Variants in LYRM4 observed in about 807,000 individuals in gnomAD.
LYRM4 encodes LYR motif containing 4.
In LYRM4, 9 loss-of-function variants were observed where a neutral mutation model predicts 11.7. The ratio of observed to expected loss-of-function variants is 0.77; its 90% CI spans 0.46 to 1.34. The LOEUF (loss-of-function observed/expected upper bound fraction) is 1.34. Ranked by LOEUF, LYRM4 falls within the 40% of genes most tolerant of loss-of-function variation. The probability of loss-of-function intolerance (pLI) is 0.00; values close to 1 mark genes in which losing one functional copy is unlikely to be tolerated. For synonymous variants in LYRM4, 42 were observed against 40.4 expected (o/e 1.04, Z -0.15); for missense variants, 133 against 112.5 (o/e 1.18, Z -0.82).
At position 5,149,363 on chromosome 6, in the gene LYRM4, C is replaced by T. The variant is rs140172656; in HGVS notation, c.208-39872G>A. On this transcript the variant is annotated intron_variant, in intron 2 of 2. Transcript: ENST00000330636. ...ATCAGCTCATTAATTCCTCCAGGTC[C>T]CCAGGACACAGATATCAAGGATGGT... 1.8e-3 allele frequency among the ~76,000 whole-genome samples: 267 copies of T among 152,236 alleles called. 2 individuals are homozygous for T. The highest frequency in any genetic ancestry group is 6.2e-3 in the African/African-American group (259 of 41,542).
chr6:5,151,787 T>C lies in LYRM4; in HGVS notation c.208-42296A>G, dbSNP rs534063532. On this transcript the variant is annotated intron_variant, in intron 2 of 2. Transcript: ENST00000330636. Reference sequence around the variant, plus strand: ...AATAAAATCCACCTCACCGGATTACTGTCATAATTAAATTAAAAGTCCATA... The same window carrying C: ...AATAAAATCCACCTCACCGGATTACCGTCATAATTAAATTAAAAGTCCATA... 7.9e-5 allele frequency among the ~76,000 whole-genome samples: 12 copies of C among 152,360 alleles called. No individual in the cohort carries two copies. In the East Asian group the frequency reaches 1.9e-3, roughly 24 times the overall value.
rs183114961 is a variant in LYRM4 at position 5,145,424 on chromosome 6, T to G, written c.208-35933A>C. ...GTTCTCATTTTGCAGGAGAGGAAAC[T>G]GAGGTTCATAAAGATTAATAAAACA... On this transcript the variant is annotated intron_variant, in intron 2 of 2. Transcript: ENST00000330636. 1.8e-4 allele frequency among the ~76,000 whole-genome samples: 27 copies of G among 152,328 alleles called. No homozygotes were observed. The East Asian group carries it at 4.6e-3, about 26-fold the overall frequency.
At chr6:5,073,164 A>G in the LYRM4 span, among the ~76,000 whole-genome samples, 18 of 152,138 alleles carry the variant, frequency 1.2e-4, no homozygotes, top group African/African-American at 3.9e-4. Context: ...GGCCGATCAC[A>G]TGAGGCCAGA....
intron 1 of LYRM4, among the ~76,000 whole-genome samples, chr6:5,244,620 G>A (rs1294385597): frequency 6.6e-6 from 1 of 152,142 alleles, no homozygotes; most frequent in East Asian, 1.9e-4. Context: ...CTTACTCTGT[G>A]AGGAGAAGCA....
At chr6:5,117,309 C>CA (rs906513297) in intron 2 of LYRM4, among the ~76,000 whole-genome samples, 2 of 152,210 alleles carry the variant, frequency 1.3e-5, no homozygotes, top group Non-Finnish European at 2.9e-5. Context: ...GTAATCCCAG[C>CA]ACTTTAAGAG....
intron 2 of LYRM4, among the ~76,000 whole-genome samples, chr6:5,120,413 TCTCTCTGA>T (rs1763384443): frequency 6.6e-6 from 1 of 152,186 alleles, no homozygotes; most frequent in African/African-American, 2.4e-5. Flanking sequence ...GGGTTCGTGG[TCTCTCTGA>T]CTTCAGGAAT....
chr6:5,086,190 C>A, the LYRM4 span: 1 of 1,534,056 alleles, frequency 6.5e-7, no homozygotes, highest in Non-Finnish European at 8.7e-7. Flanking sequence ...AGGTGAAGGG[C>A]TCCGGCCGGG....
At chr6:5,089,234 T>C in the LYRM4 span, 1 of 152,206 alleles carries the variant, frequency 6.6e-6, no homozygotes, top group African/African-American at 2.4e-5. Flanking sequence ...TGTTACTAAA[T>C]ATAAAAGCTA....
chr6:5,222,906 GA>G (rs1457847087), intron 1 of LYRM4, among the ~76,000 whole-genome samples: 2 of 151,930 alleles, frequency 1.3e-5, no homozygotes, highest in Non-Finnish European at 2.9e-5. Flanking sequence ...AAATATGTAA[GA>G]AAAAAATTAA....
chr6:5,188,926 T>C (rs1464709469), intron 2 of LYRM4, among the ~76,000 whole-genome samples: 1 of 152,078 alleles, frequency 6.6e-6, no homozygotes, highest in East Asian at 1.9e-4. Context: ...ACCATGCTAA[T>C]TTTTATATTT....
chr6:5,218,306 A>T, intron 1 of LYRM4: 1 of 985,308 alleles, frequency 1.0e-6, no homozygotes, highest in Non-Finnish European at 1.2e-6. Flanking sequence ...CAACAGAAGA[A>T]TGGAAATACA....
intron 2 of LYRM4, among the ~76,000 whole-genome samples, chr6:5,162,679 C>T (rs986377417): frequency 6.6e-6 from 1 of 152,158 alleles, no homozygotes; most frequent in African/African-American, 2.4e-5. Context: ...ATGTCTATGG[C>T]ACCAAAACAT....
chr6:5,140,639 T>C (rs1482006159), intron 2 of LYRM4, among the ~76,000 whole-genome samples: 2 of 152,200 alleles, frequency 1.3e-5, no homozygotes, highest in Non-Finnish European at 2.9e-5. Context: ...GAAAGTCAAT[T>C]TGTGCTTCAA....
chr6:5,144,236 C>T (rs752080239), intron 2 of LYRM4: 1 of 1,537,060 alleles, frequency 6.5e-7, no homozygotes, highest in Non-Finnish European at 8.7e-7. Flanking sequence ...CCGACTTCCT[C>T]CTGGCGGCTG....
At chr6:5,260,475 G>A (rs927311379) in intron 1 of LYRM4, among the ~76,000 whole-genome samples, 173 bp downstream of exon 1, 6 of 152,236 alleles carry the variant, frequency 3.9e-5, no homozygotes, top group Non-Finnish European at 7.3e-5. Flanking sequence ...AGGTCTCAGA[G>A]GCCACACCTG....
At chr6:5,152,434 G>A (rs1758140463) in intron 2 of LYRM4, among the ~76,000 whole-genome samples, 1 of 152,076 alleles carries the variant, frequency 6.6e-6, no homozygotes, top group Non-Finnish European at 1.5e-5. Context: ...ATTAAATAGG[G>A]GGCGAGAGCT....
At chr6:5,215,040 T>C (rs80326592) in intron 2 of LYRM4, among the ~76,000 whole-genome samples, 1 of 50,026 alleles carries the variant, frequency 2.0e-5, no homozygotes, top group African/African-American at 5.5e-5. Flanking sequence ...CAGTTTAGTA[T>C]TTTTTTTTTT....
chr6:5,160,941 T>C (rs1758723942), intron 2 of LYRM4, among the ~76,000 whole-genome samples: 1 of 152,192 alleles, frequency 6.6e-6, no homozygotes, highest in Non-Finnish European at 1.5e-5. Flanking sequence ...TACCCTATGT[T>C]AATAATATAG....
the LYRM4 span, among the ~76,000 whole-genome samples, chr6:5,060,119 C>T: frequency 6.6e-6 from 1 of 152,220 alleles, no homozygotes; most frequent in Non-Finnish European, 1.5e-5. Flanking sequence ...TGGTCTTTTC[C>T]TGTTACTAAC....
Sources: allele counts gnomAD v4.1 joint callset (sites outside exome capture counted in the v4.1 genomes callset), GRCh38; gene constraint gnomAD v4.1.1; transcripts MANE v1.5; gene names NCBI Gene and HGNC (gene_info 2026-07-23, HGNC 2026-07-21).